ASTN2: variants seen among roughly 807,000 people sequenced by gnomAD.
ASTN2 encodes the protein astrotactin 2.
A neutral mutation model predicts 139.8 loss-of-function variants in ASTN2; 54 were observed. That is an observed-to-expected ratio of 0.39 (90% CI 0.31 to 0.48). The LOEUF (loss-of-function observed/expected upper bound fraction) is 0.48, where lower values mean the gene tolerates loss of function less well. Among genes scored for constraint, ASTN2 ranks in the 20% least tolerant of loss-of-function variants. The pLI, the probability that ASTN2 is intolerant of heterozygous loss-of-function variation, is 0.95. For synonymous variants in ASTN2, 756 were observed against 719.5 expected, an observed-to-expected ratio of 1.05 and a Z score of -0.81; for missense variants, 1,565 against 1,725.1, an observed-to-expected ratio of 0.91 and a Z score of 1.64.
chr9:116,571,133 G>T (rs1853489430), intron 19 of ASTN2, among the ~76,000 whole-genome samples: 1 of 152,096 alleles, frequency 6.6e-6, no homozygotes, highest in South Asian at 2.1e-4. Flanking sequence ...GATATGATTC[G>T]GTGCCACTGC....
chr9:117,244,798 G>A (rs1316802650), intron 2 of ASTN2, among the ~76,000 whole-genome samples: 2 of 151,552 alleles, frequency 1.3e-5, no homozygotes, highest in Non-Finnish European at 1.5e-5. Flanking sequence ...GAGGGAAGGA[G>A]AGAGGGAGGG....
At chr9:117,259,179 C>A (rs1174835424) in intron 2 of ASTN2, among the ~76,000 whole-genome samples, 3 of 152,126 alleles carry the variant, frequency 2.0e-5, no homozygotes, top group Non-Finnish European at 2.9e-5. Context: ...CCTGGGGCTT[C>A]ACCTCTCTGT....
chr9:116,515,953 A>G (rs1282696644), intron 19 of ASTN2, among the ~76,000 whole-genome samples: 1 of 152,174 alleles, frequency 6.6e-6, no homozygotes, highest in East Asian at 1.9e-4. Context: ...AATTCATTAG[A>G]CCTATGGTGG....
chr9:117,044,190 A>T (rs146124974), intron 5 of ASTN2, among the ~76,000 whole-genome samples: 180 of 152,354 alleles, frequency 1.2e-3, no homozygotes, highest in African/African-American at 4.2e-3. Flanking sequence ...TGTCCAACAC[A>T]TTCTCAGAAC....
intron 5 of ASTN2, among the ~76,000 whole-genome samples, chr9:117,049,463 C>T (rs554339262): frequency 3.3e-5 from 5 of 152,230 alleles, no homozygotes; most frequent in African/African-American, 7.2e-5. Flanking sequence ...ACGGAAAAAA[C>T]GATCTAGTTT....
In ASTN2 at chr9:116,790,167, C is replaced by G. The variant is rs998208864; in HGVS notation, c.2396+15465G>C. Among the ~76,000 whole-genome samples, 4 of 152,128 alleles carry G rather than the reference C, an allele frequency of 2.6e-5. No individual in the cohort carries two copies. In the East Asian group the frequency reaches 7.7e-4, roughly 29 times the overall value. On this transcript the variant is annotated intron_variant, in intron 13 of 22. Transcript: ENST00000313400. ...TCTTGAACTCCTGACCTCAGATGAT[C>G]TGCCTGCCTCGGCCTCCCAAAGTGC...
chr9:116,652,863 C>A (rs12236506), intron 16 of ASTN2, among the ~76,000 whole-genome samples: 1 of 152,056 alleles, frequency 6.6e-6, no homozygotes, highest in Non-Finnish European at 1.5e-5. Flanking sequence ...CTCTCTTGAT[C>A]TATAAACCAG....
chr9:117,369,887 C>A (rs978510369), intron 1 of ASTN2, among the ~76,000 whole-genome samples: 1 of 152,110 alleles, frequency 6.6e-6, no homozygotes, highest in African/African-American at 2.4e-5. Context: ...GGAGGAACCC[C>A]ATCCACACCC....
At chr9:116,974,506 CTTTTTTTTTTT>C (rs3038410) in intron 10 of ASTN2, among the ~76,000 whole-genome samples, 2 of 110,922 alleles carry the variant, frequency 1.8e-5, no homozygotes, top group South Asian at 5.9e-4. Flanking sequence ...TTAGCCTGGA[CTTTTTTTTTTT>C]TTTTTTTTTG....
intron 10 of ASTN2, among the ~76,000 whole-genome samples, chr9:116,891,090 A>G (rs1475931628): frequency 6.6e-6 from 1 of 152,130 alleles, no homozygotes; most frequent in African/African-American, 2.4e-5. Flanking sequence ...TATCTAATGT[A>G]TTCATTGTTC....
At chr9:117,163,635 G>T (rs572384903) in intron 3 of ASTN2, among the ~76,000 whole-genome samples, 16 of 152,046 alleles carry the variant, frequency 1.1e-4, no homozygotes, top group Non-Finnish European at 2.2e-4. Context: ...GGAAGTGGCA[G>T]AATTTGACTT....
chr9:116,567,147 T>C (rs1182004669), intron 19 of ASTN2, among the ~76,000 whole-genome samples: 1 of 152,220 alleles, frequency 6.6e-6, no homozygotes, highest in Non-Finnish European at 1.5e-5. Flanking sequence ...TGGCTCTCTG[T>C]GGGAAGAGAG....
chr9:116,697,502 T>C (rs1860922099), intron 16 of ASTN2: 1 of 528,922 alleles, frequency 1.9e-6, no homozygotes, highest in African/African-American at 1.9e-5. Context: ...TTTGTTTCCC[T>C]ATCTGTCACC....
chr9:117,061,139 T>TTTCA (rs140825544), intron 5 of ASTN2, among the ~76,000 whole-genome samples: 2,889 of 141,990 alleles, frequency 0.02, 67 homozygotes, highest in Admixed American at 0.064. Context: ...TACACCAGTC[T>TTTCA]TTTATTTATT....
rs190763287 is a variant in ASTN2, at chr9:116,594,734, G to T, written c.3355+23590C>A. ...CCTAAGGCATGATTCATCATGCATT[G>T]ATGACAGAACATCTGCACCCAATGT... On this transcript the variant is annotated intron_variant, in intron 19 of 22. Coordinates refer to ENST00000313400, the MANE Select transcript of ASTN2 (RefSeq NM_001365068.1). Among the ~76,000 whole-genome samples, 86 of 152,238 alleles carry T rather than the reference G, an allele frequency of 5.6e-4. 1 individual carries two copies. Among genetic ancestry groups the T allele is most frequent in the Admixed American group, 3.3e-4 (5 of 15,286 alleles).
chr9:117,245,332 C>T (rs1386172375), intron 2 of ASTN2, among the ~76,000 whole-genome samples: 1 of 152,206 alleles, frequency 6.6e-6, no homozygotes, highest in Non-Finnish European at 1.5e-5. Context: ...TATCCAAATG[C>T]TGCCACACGT....
chr9:117,241,329 C>G (rs933043770), intron 2 of ASTN2, among the ~76,000 whole-genome samples: 5 of 152,132 alleles, frequency 3.3e-5, no homozygotes, highest in Non-Finnish European at 7.3e-5. Context: ...TGGTTTCATT[C>G]AAGTTAGAGG....
intron 19 of ASTN2, among the ~76,000 whole-genome samples, chr9:116,503,143 A>G (rs535864796): frequency 6.4e-4 from 97 of 151,662 alleles, no homozygotes; most frequent in African/African-American, 2.2e-3. Flanking sequence ...GAAGGAAGTA[A>G]GGAAAGAAGA....
intron 1 of ASTN2, among the ~76,000 whole-genome samples, chr9:117,383,976 T>C (rs1830333265): frequency 6.6e-6 from 1 of 152,204 alleles, no homozygotes; most frequent in Non-Finnish European, 1.5e-5. Flanking sequence ...GGGGCTCACA[T>C]GGCAGAAAAT....
Sources: gnomAD v4.1 joint callset for allele counts (sites outside exome capture counted in the v4.1 genomes callset) on GRCh38, gnomAD v4.1.1 for gene constraint, MANE v1.5 for transcripts, NCBI Gene and HGNC (gene_info 2026-07-23, HGNC 2026-07-21) for gene names.